Variants in SPRR2B observed in about 807,000 individuals in gnomAD.
SPRR2B encodes small proline rich protein 2B.
In SPRR2B, 1 loss-of-function variant was observed where a neutral mutation model predicts 1.0. The ratio of observed to expected loss-of-function variants is 1.01; its 90% CI spans 0.36 to 4.77. SPRR2B has a LOEUF of 4.77. SPRR2B is among the 30% of genes most tolerant of loss of function. The pLI is 0.16. For missense variants in SPRR2B, 53 were observed against 88.7 expected (o/e 0.60, Z 1.62); for synonymous variants, 27 against 33.4 (o/e 0.81, Z 0.66).
chr1:153,071,103 A>G lies in SPRR2B; in HGVS notation c.-19-245T>C, dbSNP rs1312578617. On this transcript the variant is annotated intron_variant, in intron 1 of 1. Coordinates refer to ENST00000368755, the MANE Select transcript of SPRR2B (RefSeq NM_001388198.1). ...AAAACATCTCTGTAATAAAAAATCC[A>G]GCATGTTAATCCAAGAAATTAACAT... is the stretch of plus-strand genomic sequence containing the variant. Among the ~76,000 whole-genome samples the G allele has an allele frequency of 1.6e-5, 2 of 126,476 alleles. 1 individual carries two copies. Among genetic ancestry groups the G allele is most frequent in the Admixed American group, 1.5e-4 (2 of 13,250 alleles). 83.0% of individuals were successfully genotyped at this position (126,476 alleles called of 152,430 possible). A position where few individuals can be genotyped will look rare whatever the true frequency, so the allele number is the denominator to read the frequency against.
At chr1:153,076,897 C>A in the SPRR2B span, among the ~76,000 whole-genome samples, 72 of 152,248 alleles carry the variant, frequency 4.7e-4, 2 homozygotes, top group East Asian at 0.013. Flanking sequence ...TCAAGACTCA[C>A]AAAGACATGG....
the SPRR2B span, among the ~76,000 whole-genome samples, chr1:153,080,846 A>G: frequency 6.6e-6 from 1 of 152,226 alleles, no homozygotes; most frequent in African/African-American, 2.4e-5. Flanking sequence ...TCAAATAATT[A>G]TGGCAGCTTT....
At chr1:153,084,432 G>T in the SPRR2B span, among the ~76,000 whole-genome samples, 5 of 152,052 alleles carry the variant, frequency 3.3e-5, no homozygotes, top group Non-Finnish European at 7.4e-5. Flanking sequence ...GTGAAACTAG[G>T]CACTGGAAAC....
Position 153,070,632 on chromosome 1 carries a change from T to C in SPRR2B, c.208A>G (p.Lys70Glu), listed in dbSNP as rs1010860605. Residue 70 changes from lysine to glutamate, a missense_variant, in exon 2 of 2, where the codon AAG becomes GAG. Lys to Glu is a moderately conservative substitution (Grantham distance 56). Coordinates refer to ENST00000368755, the MANE Select transcript of SPRR2B (RefSeq NM_001388198.1). The stretch of plus-strand genomic sequence containing the variant: ...GAATCCTGAAGCTGTTACTTGCTCT[T>C]CGGTGGATACTTTGGCTGGCAGGGT... ...SPPCQPKYPP[K>E]SK 1.1e-5 allele frequency: 17 copies of C among 1,612,076 alleles called. No homozygotes were observed. The highest frequency in any genetic ancestry group is 1.4e-5 in the Non-Finnish European group (17 of 1,179,812).
the SPRR2B span, among the ~76,000 whole-genome samples, chr1:153,082,245 C>T: frequency 6.6e-6 from 1 of 152,054 alleles, no homozygotes; most frequent in African/African-American, 2.4e-5. Context: ...GAAACACAAA[C>T]AGTGTACAGA....
chr1:153,074,690 T>C (rs11590835), upstream of SPRR2B, among the ~76,000 whole-genome samples: 47,161 of 152,180 alleles, frequency 0.31, 9,331 homozygotes, highest in Non-Finnish European at 0.45. Flanking sequence ...TGATTATATA[T>C]GGCTGGTGAA....
chr1:153,086,006 C>G, the SPRR2B span, among the ~76,000 whole-genome samples: 2 of 152,292 alleles, frequency 1.3e-5, no homozygotes, highest in Admixed American at 1.3e-4. Context: ...ACCCCCAGAC[C>G]TACCTTACTA....
the SPRR2B span, among the ~76,000 whole-genome samples, chr1:153,086,496 T>C: frequency 1.3e-5 from 2 of 152,224 alleles, no homozygotes; most frequent in African/African-American, 4.8e-5. Flanking sequence ...TAAATATATG[T>C]GGACCCAGCA....
At chr1:153,077,547 T>G in the SPRR2B span, among the ~76,000 whole-genome samples, 1 of 152,164 alleles carries the variant, frequency 6.6e-6, no homozygotes, top group African/African-American at 2.4e-5. Flanking sequence ...AAACTCACGA[T>G]GTATAGAGAT....
At chr1:153,086,536 C>A in the SPRR2B span, among the ~76,000 whole-genome samples, 1 of 152,142 alleles carries the variant, frequency 6.6e-6, no homozygotes, top group African/African-American at 2.4e-5. Flanking sequence ...CAATCAAGTT[C>A]TTAGGGACCT....
chr1:153,078,177 C>T, the SPRR2B span, among the ~76,000 whole-genome samples: 66 of 152,116 alleles, frequency 4.3e-4, no homozygotes, highest in African/African-American at 1.2e-3. Context: ...TTACAATAGA[C>T]GAACTTTACA....
In SPRR2B at chr1:153,070,553, G is replaced by A. The variant is rs1335709854; in HGVS notation, c.*68C>T. ...GATAAGCTTTGATGAGAAGATGAAG[G>A]TGGAGCTGTGGAACGAGGTGAGCCA... is the stretch of plus-strand genomic sequence containing the variant. On this transcript the variant is annotated 3_prime_UTR_variant, in exon 2 of 2. Transcript: ENST00000368755. 2 of 1,568,740 alleles carry A rather than the reference G, an allele frequency of 1.3e-6. No homozygotes were observed. Among genetic ancestry groups the A allele is most frequent in the Admixed American group, 3.5e-5 (2 of 56,400 alleles).
chr1:153,081,264 A>C, the SPRR2B span, among the ~76,000 whole-genome samples: 6 of 152,232 alleles, frequency 3.9e-5, no homozygotes, highest in African/African-American at 1.4e-4. Context: ...CACAAATTAT[A>C]ATCAAATTAT....
chr1:153,085,611 A>T, the SPRR2B span, among the ~76,000 whole-genome samples: 2 of 152,214 alleles, frequency 1.3e-5, no homozygotes, highest in Non-Finnish European at 2.9e-5. Context: ...GTATTTCCAG[A>T]TATTATCATC....
chr1:153,084,278 T>A, the SPRR2B span, among the ~76,000 whole-genome samples: 6 of 152,190 alleles, frequency 3.9e-5, no homozygotes, highest in East Asian at 1.2e-3. Context: ...CCAGTACATA[T>A]GAGAGTGTGC....
chr1:153,078,659 C>A, the SPRR2B span, among the ~76,000 whole-genome samples: 1 of 152,132 alleles, frequency 6.6e-6, no homozygotes, highest in African/African-American at 2.4e-5. Flanking sequence ...TGATGGTTTC[C>A]AGCTTCATCC....
At chr1:153,077,572 C>CA in the SPRR2B span, among the ~76,000 whole-genome samples, 17 of 141,330 alleles carry the variant, frequency 1.2e-4, no homozygotes, top group East Asian at 4.0e-4. Context: ...TTTGTGAACG[C>CA]AAAAAAAAAA....
At chr1:153,087,205 G>C in the SPRR2B span, among the ~76,000 whole-genome samples, 2 of 152,020 alleles carry the variant, frequency 1.3e-5, no homozygotes, top group African/African-American at 2.4e-5. Context: ...GCTTGAAACA[G>C]GGAGGTGGAG....
the SPRR2B span, among the ~76,000 whole-genome samples, chr1:153,085,211 G>C: frequency 6.6e-6 from 1 of 152,102 alleles, no homozygotes. Flanking sequence ...ATTTCAATAT[G>C]GATAGGAAGG....
Sources: gnomAD v4.1 joint callset for allele counts (sites outside exome capture counted in the v4.1 genomes callset) on GRCh38, gnomAD v4.1.1 for gene constraint, MANE v1.5 for transcripts, NCBI Gene and HGNC (gene_info 2026-07-23, HGNC 2026-07-21) for gene names.